Variants in GRB10 observed in about 807,000 individuals in gnomAD.
GRB10 encodes growth factor receptor-bound protein 10.
Under a neutral mutation model 80.9 loss-of-function variants are expected in GRB10, and 20 were observed. The ratio of observed to expected loss-of-function variants is 0.25; its 90% confidence interval spans 0.17 to 0.36. The LOEUF (loss-of-function observed/expected upper bound fraction) is 0.36. Ranked by LOEUF, GRB10 falls within the 10% of genes least tolerant of loss-of-function variation. The pLI, the probability that GRB10 is intolerant of heterozygous loss-of-function variation, is 1.00. For missense variants in GRB10, 548 were observed against 747.7 expected (o/e 0.73, Z 3.12); for synonymous variants, 291 against 291.5 (o/e 1.00, Z 0.02).
chr7:50,648,100 T>A (rs1462261603), intron 7 of GRB10, among the ~76,000 whole-genome samples: 1 of 151,618 alleles, frequency 6.6e-6, no homozygotes, highest in Non-Finnish European at 1.5e-5. Flanking sequence ...AGGGACAAGA[T>A]GGAAAGCTGA....
intron 4 of GRB10, among the ~76,000 whole-genome samples, chr7:50,719,337 G>A (rs2067351146): frequency 6.6e-6 from 1 of 152,208 alleles, no homozygotes; most frequent in Non-Finnish European, 1.5e-5. Context: ...TGCAGGCAGA[G>A]ACAGAAGGCC....
intron 17 of GRB10, among the ~76,000 whole-genome samples, chr7:50,599,232 G>A (rs879153225): frequency 8.5e-5 from 13 of 152,260 alleles, no homozygotes; most frequent in African/African-American, 2.9e-4. Flanking sequence ...AATACTTGAC[G>A]GGCTTATTTA....
At chr7:50,734,164 T>A (rs548892852) in intron 3 of GRB10, among the ~76,000 whole-genome samples, 1 of 152,268 alleles carries the variant, frequency 6.6e-6, no homozygotes, top group East Asian at 1.9e-4. Context: ...CCCCAAATCA[T>A]TTGCTGCCAG....
intron 7 of GRB10, among the ~76,000 whole-genome samples, chr7:50,633,251 A>AAACAGTTACTACAAACTGCT (rs2054342285): frequency 6.6e-6 from 1 of 152,234 alleles, no homozygotes; most frequent in Non-Finnish European, 1.5e-5. Flanking sequence ...CTGTTACTAC[A>AAACAGTTACTACAAACTGCT]ACCTACAAAC....
intron 12 of GRB10, among the ~76,000 whole-genome samples, chr7:50,614,214 G>A (rs1232060426): frequency 6.6e-6 from 1 of 152,204 alleles, no homozygotes; most frequent in South Asian, 2.1e-4. Context: ...CTATACCTGT[G>A]TGTATGCACA....
In GRB10 at chr7:50,710,893, G is replaced by A. The variant is rs573482573; in HGVS notation, c.52-6985C>T. The A allele has an allele frequency of 2.9e-4, 461 of 1,612,814 alleles. 7 individuals carry two copies. In the South Asian group the frequency reaches 4.7e-3, roughly 16 times the overall value. ...CACTGACCTTACTACGGAACAGAGG[G>A]CCGGCAGCTTGCATAGGAGGTCTCT... On this transcript the variant is annotated intron_variant, in intron 4 of 18. Coordinates refer to ENST00000401949, the MANE Select transcript of GRB10 (RefSeq NM_001350814.2).
At chr7:50,619,392 A>G in intron 8 of GRB10, 107 bp from the exon 9 acceptor site, 1 of 756,986 alleles carries the variant, frequency 1.3e-6, no homozygotes. Context: ...TTTAAACATT[A>G]TGAATAAAGA....
chr7:50,676,346 G>GGGGGGGGGGGGGGGGGGGGT (rs2060945633), intron 5 of GRB10, among the ~76,000 whole-genome samples: 1 of 150,844 alleles, frequency 6.6e-6, no homozygotes, highest in Non-Finnish European at 1.5e-5. Flanking sequence ...GGGGGGGGGG[G>GGGGGGGGGGGGGGGGGGGGT]GGGGTTGTAA....
At chr7:50,757,127 G>A (rs1051814184) in intron 2 of GRB10, among the ~76,000 whole-genome samples, 6 of 152,116 alleles carry the variant, frequency 3.9e-5, no homozygotes, top group African/African-American at 1.2e-4. Flanking sequence ...TTTGAAACAG[G>A]TCCCGCTGAA....
At chr7:50,743,536 C>A (rs2072281364) in intron 3 of GRB10, among the ~76,000 whole-genome samples, 1 of 152,226 alleles carries the variant, frequency 6.6e-6, no homozygotes, top group Non-Finnish European at 1.5e-5. Context: ...TGTGCAGACA[C>A]ACTAGCAGCA....
chr7:50,685,809 G>A (rs2062041988), intron 5 of GRB10, among the ~76,000 whole-genome samples: 1 of 152,160 alleles, frequency 6.6e-6, no homozygotes, highest in Non-Finnish European at 1.5e-5. Context: ...ACAGTACCAG[G>A]CGATTCCAAG....
At position 50,674,508 on chromosome 7, in the gene GRB10, C is replaced by G; in HGVS notation, c.290G>C (p.Arg97Pro). 6.2e-7 allele frequency: 1 copy of G among 1,609,758 alleles called. No individual in the cohort carries two copies. The highest frequency in any genetic ancestry group is 8.5e-7 in the Non-Finnish European group (1 of 1,179,992). The part of the protein sequence containing the change: ...RSQPRASGPP[R>P]SIQPQVSPRQ... ...CGGGGACACCTGTGGCTGGATGGAC[C>G]GAGGAGGGCCTGAAGCCCGAGGCTG... is the stretch of plus-strand genomic sequence containing the variant. Residue 97 changes from arginine (R) to proline (P), a missense_variant, in exon 6 of 19, where the codon CGG becomes CCG. Physicochemically the swap from Arg to Pro is moderately radical, Grantham distance 103 (BLOSUM62 -2). Transcript: ENST00000401949.
chr7:50,602,530 C>T (rs1030445313), intron 17 of GRB10, among the ~76,000 whole-genome samples: 3 of 152,210 alleles, frequency 2.0e-5, no homozygotes, highest in Non-Finnish European at 4.4e-5. Context: ...AAACCACAAA[C>T]ATGCTATTAG....
intron 4 of GRB10, among the ~76,000 whole-genome samples, chr7:50,709,373 G>C (rs2153672987): frequency 6.6e-6 from 1 of 152,306 alleles, no homozygotes; most frequent in South Asian, 2.1e-4. Flanking sequence ...CTGGCCCCCA[G>C]TGGTGGGCGG....
intron 4 of GRB10, among the ~76,000 whole-genome samples, chr7:50,704,595 C>A (rs2064778970): frequency 6.6e-6 from 1 of 152,150 alleles, no homozygotes. Context: ...TGCATATGTA[C>A]CACTACTGTA....
intron 3 of GRB10, among the ~76,000 whole-genome samples, chr7:50,745,017 A>G (rs1296090577): frequency 6.6e-6 from 1 of 152,198 alleles, no homozygotes; most frequent in Non-Finnish European, 1.5e-5. Context: ...TTAGAGTAAC[A>G]GCCTAGTCTT....
intron 7 of GRB10, among the ~76,000 whole-genome samples, chr7:50,661,442 C>G (rs1255418870): frequency 6.6e-6 from 1 of 152,216 alleles, no homozygotes; most frequent in Non-Finnish European, 1.5e-5. Flanking sequence ...GCTCTAAAAA[C>G]TCATTATGTA....
intron 7 of GRB10, among the ~76,000 whole-genome samples, chr7:50,633,459 C>T (rs1208641671): frequency 6.6e-6 from 1 of 152,148 alleles, no homozygotes; most frequent in Non-Finnish European, 1.5e-5. Flanking sequence ...GTAGTGACCG[C>T]TTCTACAGAT....
intron 13 of GRB10, among the ~76,000 whole-genome samples, chr7:50,610,419 T>G (rs1248746463): frequency 1.3e-5 from 2 of 152,228 alleles, no homozygotes; most frequent in Admixed American, 1.3e-4. Flanking sequence ...CAGCCTCCTA[T>G]AAGAATAGTA....
Sources: gnomAD v4.1 joint callset for allele counts (sites outside exome capture counted in the v4.1 genomes callset) on GRCh38, gnomAD v4.1.1 for gene constraint, MANE v1.5 for transcripts, NCBI Gene and HGNC (gene_info 2026-07-23, HGNC 2026-07-21) for gene names.